SBF2: variants seen among roughly 807,000 people sequenced by gnomAD.
The protein encoded by SBF2 is myotubularin-related protein 13.
A neutral mutation model predicts 225.2 loss-of-function variants in SBF2; 112 were observed. The observed-to-expected ratio is 0.50, with a 90% CI of 0.43 to 0.58. SBF2 has a LOEUF of 0.58. Among genes scored for constraint, SBF2 ranks in the 20% least tolerant of loss-of-function variants. The pLI is 0.00. For synonymous variants in SBF2, 763 were observed against 773.3 expected (o/e 0.99, Z 0.22); for missense variants, 1,996 against 2,206.2 (o/e 0.90, Z 1.91).
chr11:10,103,508 G>A (rs1044187256), intron 2 of SBF2, among the ~76,000 whole-genome samples: 1 of 152,096 alleles, frequency 6.6e-6, no homozygotes, highest in Non-Finnish European at 1.5e-5. Flanking sequence ...AAATTATTGT[G>A]TGCCACAAAA....
chr11:10,128,153 C>G (rs984117855), intron 2 of SBF2, among the ~76,000 whole-genome samples: 2 of 152,130 alleles, frequency 1.3e-5, no homozygotes, highest in African/African-American at 4.8e-5. Flanking sequence ...GACTCTACAG[C>G]GCACTGGTGA....
chr11:10,181,027 C>T (rs1956715577), intron 2 of SBF2, among the ~76,000 whole-genome samples: 1 of 152,002 alleles, frequency 6.6e-6, no homozygotes, highest in South Asian at 2.1e-4. Flanking sequence ...CTCTAAGCAC[C>T]GAGTACTCAT....
intron 1 of SBF2, among the ~76,000 whole-genome samples, chr11:10,255,287 GA>G (rs1237871723): frequency 6.6e-6 from 1 of 152,142 alleles, no homozygotes; most frequent in Non-Finnish European, 1.5e-5. Flanking sequence ...TATTCAGCTA[GA>G]TTAGCTATTT....
At chr11:10,199,778 G>A (rs1299721763) in intron 1 of SBF2, among the ~76,000 whole-genome samples, 1 of 151,998 alleles carries the variant, frequency 6.6e-6, no homozygotes, top group Admixed American at 6.6e-5. Flanking sequence ...TGGGAATGGT[G>A]GTACAAACCT....
chr11:9,962,938 G>A (rs1866672050), intron 15 of SBF2, among the ~76,000 whole-genome samples: 1 of 152,132 alleles, frequency 6.6e-6, no homozygotes, highest in African/African-American at 2.4e-5. Flanking sequence ...AGAGCACTGG[G>A]TCAGTCAGTG....
chr11:9,808,227 G>T, intron 31 of SBF2, 42 bp from the exon 32 acceptor site: 1 of 1,543,242 alleles, frequency 6.5e-7, no homozygotes, highest in Non-Finnish European at 8.9e-7. Flanking sequence ...TTTTAGTTCT[G>T]AAAAAGGCCT....
intron 1 of SBF2, among the ~76,000 whole-genome samples, chr11:10,201,255 T>A (rs776567213): frequency 2.6e-5 from 4 of 152,224 alleles, no homozygotes; most frequent in Admixed American, 1.3e-4. Context: ...AAGTTCCAAG[T>A]ATCCCATTTG....
chr11:10,071,845 C>G (rs1950894084), intron 2 of SBF2, among the ~76,000 whole-genome samples: 1 of 152,108 alleles, frequency 6.6e-6, no homozygotes, highest in African/African-American at 2.4e-5. Flanking sequence ...AGGGATGAAG[C>G]TGACTTGATC....
intron 35 of SBF2, chr11:9,787,960 C>G: frequency 3.5e-6 from 2 of 578,862 alleles, no homozygotes; most frequent in Admixed American, 5.9e-5. Flanking sequence ...GGACCTATAA[C>G]TAGGCCTTTT....
intron 1 of SBF2, among the ~76,000 whole-genome samples, chr11:10,263,446 A>G (rs1466910754): frequency 6.6e-6 from 1 of 152,108 alleles, no homozygotes; most frequent in African/African-American, 2.4e-5. Context: ...CAAGAGAATG[A>G]ATTACAGTCT....
chr11:10,118,588 T>G (rs1953277856), intron 2 of SBF2, among the ~76,000 whole-genome samples: 1 of 152,138 alleles, frequency 6.6e-6, no homozygotes, highest in South Asian at 2.1e-4. Flanking sequence ...AAATAATATT[T>G]GGTTGTACCA....
chr11:10,202,910 T>C (rs1430478855), intron 1 of SBF2, among the ~76,000 whole-genome samples: 1 of 152,016 alleles, frequency 6.6e-6, no homozygotes, highest in Non-Finnish European at 1.5e-5. Flanking sequence ...TACAAAACAA[T>C]GGTTTTCAGA....
rs773572029 is a variant in SBF2, at chr11:9,790,569, G to A, written c.4685C>T (p.Pro1562Leu). 3 of 1,583,610 alleles carry A rather than the reference G, an allele frequency of 1.9e-6. No homozygotes were observed. The highest frequency in any genetic ancestry group is 1.7e-6 in the Non-Finnish European group (2 of 1,155,872). ...TTCTTACTCTACCTCTATTTCCAAT[G>A]GTGAATATAAATAATTAAAGAAAAT... ...SPIFFNYLYS[P>L]LEIEALKPNV... The change falls in exon 34 of 40, where the codon CCA (proline) becomes CTA (leucine). Residue 1562 changes from proline to leucine, a missense_variant. Physicochemically the swap from Pro to Leu is moderately conservative, Grantham distance 98. Transcript: ENST00000256190.
Position 9,869,804 on chromosome 11 carries a change from C to T in SBF2, c.1930-11408G>A, listed in dbSNP as rs551840932. 3.9e-5 allele frequency among the ~76,000 whole-genome samples: 6 copies of T among 152,238 alleles called. No homozygotes were observed. The South Asian group carries it at 1.0e-3, about 26-fold the overall frequency. On this transcript the variant is annotated intron_variant, in intron 17 of 39. Coordinates refer to ENST00000256190, the MANE Select transcript of SBF2 (RefSeq NM_030962.4). The stretch of plus-strand genomic sequence containing the variant: ...TGAAAACCGGAACAAGACAAAGATG[C>T]CCTCTCTCACAACTCCTATTCAACA...
At chr11:9,866,577 T>A (rs1858238346) in intron 17 of SBF2, among the ~76,000 whole-genome samples, 1 of 151,992 alleles carries the variant, frequency 6.6e-6, no homozygotes, top group South Asian at 2.1e-4. Context: ...AAAAATCAAA[T>A]CAAAATGAAT....
At chr11:10,034,758 T>C (rs16907407) in intron 3 of SBF2, among the ~76,000 whole-genome samples, 32,947 of 152,096 alleles carry the variant, frequency 0.22, 3,722 homozygotes, top group East Asian at 0.27. Flanking sequence ...TACCATTATA[T>C]AGAATTGTCT....
chr11:9,943,110 AG>A (rs1408431128), intron 16 of SBF2, among the ~76,000 whole-genome samples: 4 of 152,212 alleles, frequency 2.6e-5, no homozygotes, highest in Admixed American at 2.6e-4. Context: ...TATATAAAAA[AG>A]GGGTTATTGC....
intron 13 of SBF2, among the ~76,000 whole-genome samples, chr11:9,977,862 C>G (rs1450873635): frequency 6.6e-6 from 1 of 151,710 alleles, no homozygotes; most frequent in Admixed American, 6.6e-5. Flanking sequence ...TAAAATCTCA[C>G]TAAAAAGCAA....
intron 1 of SBF2, among the ~76,000 whole-genome samples, chr11:10,246,274 CT>C (rs1959782034): frequency 2.0e-5 from 3 of 152,092 alleles, no homozygotes; most frequent in Non-Finnish European, 4.4e-5. Flanking sequence ...GCACAGGTTT[CT>C]TTTCTTTCTT....
Sources: gnomAD v4.1 joint callset for allele counts (sites outside exome capture counted in the v4.1 genomes callset) on GRCh38, gnomAD v4.1.1 for gene constraint, MANE v1.5 for transcripts, NCBI Gene and HGNC (gene_info 2026-07-23, HGNC 2026-07-21) for gene names.